The following STN1 variants were observed in gnomAD, a reference collection of about 807,000 sequenced individuals.
STN1 encodes CST complex subunit STN1.
Under a neutral mutation model 45.5 loss-of-function variants are expected in STN1, and 29 were observed. That is an observed-to-expected ratio of 0.64 (90% confidence interval 0.47 to 0.87). STN1 has a LOEUF of 0.87. Among genes scored for constraint, STN1 ranks in the 40% least tolerant of loss-of-function variants. STN1 has a pLI of 0.00. For synonymous variants in STN1, 148 were observed against 159.0 expected (o/e 0.93, Z 0.52); for missense variants, 376 against 441.4 (o/e 0.85, Z 1.33).
At chr10:103,887,149 C>G (rs190908490) in intron 9 of STN1, among the ~76,000 whole-genome samples, 27 of 152,258 alleles carry the variant, frequency 1.8e-4, no homozygotes, top group Admixed American at 1.3e-3. Context: ...GACTGAGGGT[C>G]GGATATTTAC....
intron 7 of STN1, 90 bp downstream of exon 7, chr10:103,897,458 A>C: frequency 8.6e-7 from 1 of 1,159,752 alleles, no homozygotes; most frequent in Non-Finnish European, 1.3e-6. Flanking sequence ...AACTCTGTGA[A>C]TCTTCATGCC....
intron 2 of STN1, among the ~76,000 whole-genome samples, chr10:103,917,102 C>T (rs963729474): frequency 6.6e-6 from 1 of 152,020 alleles, no homozygotes; most frequent in Non-Finnish European, 1.5e-5. Flanking sequence ...AGGTAAGTGG[C>T]ACATTTAGGA....
At chr10:103,883,711 A>G (rs2134354909) in intron 9 of STN1, among the ~76,000 whole-genome samples, 1 of 118,588 alleles carries the variant, frequency 8.4e-6, no homozygotes, top group South Asian at 2.6e-4. Context: ...CCAGTCACCA[A>G]TCAATGTTAT....
chr10:103,917,944 G>A (rs1193691358), intron 1 of STN1, among the ~76,000 whole-genome samples, 156 bp downstream of exon 1: 1 of 152,258 alleles, frequency 6.6e-6, no homozygotes, highest in Admixed American at 6.5e-5. Flanking sequence ...AGGCGTAGCA[G>A]AAACCGCTTG....
chr10:103,900,308 A>G (rs1843200599), intron 4 of STN1, 85 bp from the exon 5 acceptor site: 15 of 1,322,406 alleles, frequency 1.1e-5, no homozygotes, highest in Non-Finnish European at 1.6e-5. Flanking sequence ...TTAGGGTAAG[A>G]CCAACACAAT....
At chr10:103,917,384 T>C in intron 2 of STN1, 78 bp downstream of exon 2, 1 of 1,441,984 alleles carries the variant, frequency 6.9e-7, no homozygotes, top group Non-Finnish European at 9.4e-7. Flanking sequence ...CCTAAAAGCC[T>C]CTAATCCCAG....
At chr10:103,886,534 A>G (rs893191273) in intron 9 of STN1, among the ~76,000 whole-genome samples, 3 of 152,084 alleles carry the variant, frequency 2.0e-5, no homozygotes, top group African/African-American at 7.2e-5. Flanking sequence ...AGATTTTGTC[A>G]ACTTTACTCC....
intron 3 of STN1, among the ~76,000 whole-genome samples, chr10:103,906,227 C>T (rs1843239978): frequency 6.6e-6 from 1 of 152,166 alleles, no homozygotes; most frequent in Non-Finnish European, 1.5e-5. Flanking sequence ...CCTGGACTTA[C>T]AGTGGGTGGG....
At chr10:103,911,949 C>T (rs761005031) in intron 2 of STN1, among the ~76,000 whole-genome samples, 4 of 151,972 alleles carry the variant, frequency 2.6e-5, no homozygotes, top group South Asian at 2.1e-4. Context: ...GGGAGTGAGA[C>T]GTGGTTTTAA....
chr10:103,889,123 G>A lies in STN1; in HGVS notation c.898C>T (p.Leu300=), dbSNP rs1453655282. The A allele has an allele frequency of 5.6e-6, 9 of 1,613,308 alleles. No individual in the cohort carries two copies. Among genetic ancestry groups the A allele is most frequent in the African/African-American group, 1.3e-5 (1 of 74,892 alleles). The change falls in exon 9 of 10, where the codon CTG becomes TTG. Residue 300 remains leucine, a synonymous_variant. Coordinates refer to ENST00000224950, the MANE Select transcript of STN1 (RefSeq NM_024928.5). ...LYYVTREDKD[L]HRKIHRIIQQ... ...ATGATCCGGTGGATCTTTCTGTGCA[G>A]GTCTTTGTCTTCTCTGGTTACCTAA...
At chr10:103,898,707 T>A (rs984674019) in intron 6 of STN1, among the ~76,000 whole-genome samples, 170 bp downstream of exon 6, 1 of 152,212 alleles carries the variant, frequency 6.6e-6, no homozygotes, top group Non-Finnish European at 1.5e-5. Context: ...CTCTTCATGT[T>A]ACAGTTGAGG....
intron 9 of STN1, among the ~76,000 whole-genome samples, chr10:103,887,517 T>C (rs1162322707): frequency 6.6e-6 from 1 of 152,150 alleles, no homozygotes; most frequent in Non-Finnish European, 1.5e-5. Context: ...GGGGCATACG[T>C]TACTATTCTG....
At chr10:103,896,635 G>A (rs76215953) in intron 7 of STN1, among the ~76,000 whole-genome samples, 1 of 149,916 alleles carries the variant, frequency 6.7e-6, no homozygotes, top group Non-Finnish European at 1.5e-5. Flanking sequence ...TTTTTTTTTT[G>A]TTGGGACAAG....
chr10:103,916,495 C>G (rs1843332106), intron 2 of STN1, among the ~76,000 whole-genome samples: 1 of 152,148 alleles, frequency 6.6e-6, no homozygotes, highest in Non-Finnish European at 1.5e-5. Flanking sequence ...ATAAGGTCAT[C>G]CAAATATATT....
Position 103,882,584 on chromosome 10 carries a change from G to A in STN1, c.*100C>T. On this transcript the variant is annotated 3_prime_UTR_variant, in exon 10 of 10. Transcript: ENST00000224950. ...TTTTATAGTTTATTATGAGGTAACT[G>A]CCTCCAGACAGATAAGCCCCTGCAT... 8.2e-7 allele frequency: 1 copy of A among 1,226,002 alleles called. No homozygotes were observed. The highest frequency in any genetic ancestry group is 1.1e-6 in the Non-Finnish European group (1 of 886,886). 75.9% of individuals were successfully genotyped at this position (1,226,002 alleles called of 1,614,324 possible). A position where few individuals can be genotyped will look rare whatever the true frequency, so the allele number is the denominator to read the frequency against.
At chr10:103,910,496 T>C (rs773139743) in intron 3 of STN1, 31 bp downstream of exon 3, 3 of 1,457,918 alleles carry the variant, frequency 2.1e-6, no homozygotes, top group East Asian at 2.3e-5. Context: ...GCCTTCTACA[T>C]CAACTTCATT....
intron 9 of STN1, among the ~76,000 whole-genome samples, chr10:103,883,606 G>T (rs955773289): frequency 2.0e-5 from 3 of 152,064 alleles, no homozygotes; most frequent in Non-Finnish European, 4.4e-5. Flanking sequence ...ATTCACCTCG[G>T]AAACTGCTTG....
intron 3 of STN1, among the ~76,000 whole-genome samples, chr10:103,907,374 T>G (rs1365744511): frequency 2.0e-5 from 3 of 152,254 alleles, no homozygotes. Context: ...ATCCAATTTA[T>G]GTGCAACATT....
intron 4 of STN1, among the ~76,000 whole-genome samples, chr10:103,901,557 C>A (rs11598018): frequency 0.44 from 67,477 of 151,978 alleles, 15,689 homozygotes; most frequent in Non-Finnish European, 0.5. Flanking sequence ...TTCCTTTCTA[C>A]ACTTACGCTT....
Sources: gnomAD v4.1 joint callset for allele counts (sites outside exome capture counted in the v4.1 genomes callset) on GRCh38, gnomAD v4.1.1 for gene constraint, MANE v1.5 for transcripts, NCBI Gene and HGNC (gene_info 2026-07-23, HGNC 2026-07-21) for gene names.